The following KLF12 variants were observed in gnomAD, a reference collection of about 807,000 sequenced individuals.
The protein encoded by KLF12 is KLF transcription factor 12, also known as Krueppel-like factor 12.
A neutral mutation model predicts 37.8 loss-of-function variants in KLF12; 9 were observed. That is an observed-to-expected ratio of 0.24 (90% CI 0.14 to 0.42). KLF12 has a LOEUF of 0.42. Among genes scored for constraint, KLF12 ranks in the 10% least tolerant of loss-of-function variants. KLF12 has a pLI of 1.00. For missense variants in KLF12, 411 were observed against 516.0 expected (o/e 0.80, Z 1.97); for synonymous variants, 208 against 202.1 (o/e 1.03, Z -0.25).
intron 1 of KLF12, among the ~76,000 whole-genome samples, chr13:74,090,260 T>C (rs1163077826): frequency 6.6e-6 from 1 of 151,918 alleles, no homozygotes; most frequent in East Asian, 1.9e-4. Context: ...CTCTGGAAAC[T>C]ACAAAAAAAT....
chr13:73,768,330 CTGA>C (rs1446353631), intron 5 of KLF12, among the ~76,000 whole-genome samples: 3 of 152,140 alleles, frequency 2.0e-5, no homozygotes, highest in Admixed American at 2.0e-4. Context: ...ACTAGCAGTG[CTGA>C]TTAGACATGA....
chr13:74,016,481 C>T (rs766196335), intron 1 of KLF12, among the ~76,000 whole-genome samples: 4 of 152,194 alleles, frequency 2.6e-5, no homozygotes, highest in Non-Finnish European at 4.4e-5. Context: ...CCCACCTCAG[C>T]CTCCTAAGTA....
chr13:73,940,503 G>A (rs547705042), intron 3 of KLF12, among the ~76,000 whole-genome samples: 2 of 152,226 alleles, frequency 1.3e-5, no homozygotes, highest in African/African-American at 4.8e-5. Context: ...ACGAGATGAG[G>A]ACTCCTGTCA....
intron 1 of KLF12, among the ~76,000 whole-genome samples, chr13:74,126,401 A>G (rs966577669): frequency 6.6e-6 from 1 of 152,328 alleles, no homozygotes; most frequent in East Asian, 1.9e-4. Context: ...ATCTGCCATT[A>G]TATACAATCT....
the KLF12 span, among the ~76,000 whole-genome samples, chr13:74,242,830 T>C: frequency 6.6e-6 from 1 of 152,290 alleles, no homozygotes; most frequent in Non-Finnish European, 1.5e-5. Context: ...TACAGCAAGG[T>C]GAGGCTATCA....
At chr13:73,738,106 T>TATACACACACATATATGTATGTGTAC (rs1877622149) in intron 6 of KLF12, among the ~76,000 whole-genome samples, 33 of 106,630 alleles carry the variant, frequency 3.1e-4, no homozygotes, top group Middle Eastern at 4.4e-3. Flanking sequence ...TATATATATA[T>TATACACACACATATATGTATGTGTAC]ATATATATAT....
At chr13:73,955,916 C>T (rs1161871929) in intron 2 of KLF12, among the ~76,000 whole-genome samples, 3 of 152,198 alleles carry the variant, frequency 2.0e-5, no homozygotes, top group African/African-American at 4.8e-5. Context: ...ATCACCCTGA[C>T]GATGTTCTTT....
Position 73,693,354 on chromosome 13 carries a change from T to C in KLF12, c.*2136A>G, listed in dbSNP as rs1355780804. On this transcript the variant is annotated 3_prime_UTR_variant, in exon 8 of 8. Coordinates refer to ENST00000377669, the MANE Select transcript of KLF12 (RefSeq NM_007249.5). ...TAAAAAAAACCCACTGGTTGATGAG[T>C]AGTAGACTGTGCAGCTAAAGATGCT... The C allele has an allele frequency of 6.6e-6, 1 of 152,168 alleles. No individual in the cohort carries two copies. The highest frequency in any genetic ancestry group is 2.4e-5 in the African/African-American group (1 of 41,428). 9.4% of individuals were successfully genotyped at this position (152,168 alleles called of 1,614,324 possible). A position where few individuals can be genotyped will look rare whatever the true frequency, so the allele number is the denominator to read the frequency against.
At chr13:73,931,359 A>T (rs1055956344) in intron 3 of KLF12, among the ~76,000 whole-genome samples, 7 of 152,186 alleles carry the variant, frequency 4.6e-5, no homozygotes, top group African/African-American at 1.7e-4. Context: ...AATGTTTTAC[A>T]TAGCTCTCAG....
At chr13:74,147,622 A>G in the KLF12 span, among the ~76,000 whole-genome samples, 2 of 152,174 alleles carry the variant, frequency 1.3e-5, no homozygotes, top group Non-Finnish European at 2.9e-5. Flanking sequence ...GAACTCCTGC[A>G]ACATTCCCTA....
chr13:73,832,491 G>T (rs1566402347), intron 4 of KLF12, among the ~76,000 whole-genome samples: 1 of 152,154 alleles, frequency 6.6e-6, no homozygotes, highest in African/African-American at 2.4e-5. Flanking sequence ...GATGATTAGG[G>T]GGAGCCCTTG....
the KLF12 span, among the ~76,000 whole-genome samples, chr13:74,201,777 A>C: frequency 6.6e-6 from 1 of 152,084 alleles, no homozygotes; most frequent in South Asian, 2.1e-4. Flanking sequence ...GCAGGGCATT[A>C]ATTTTAACCA....
At chr13:74,011,596 G>A (rs1892553566) in intron 1 of KLF12, among the ~76,000 whole-genome samples, 1 of 152,028 alleles carries the variant, frequency 6.6e-6, no homozygotes, top group Non-Finnish European at 1.5e-5. Flanking sequence ...TTTCCACAAA[G>A]ATCCAAAAAG....
intron 5 of KLF12, among the ~76,000 whole-genome samples, chr13:73,777,224 G>A (rs959215263): frequency 6.6e-6 from 1 of 152,154 alleles, no homozygotes; most frequent in African/African-American, 2.4e-5. Flanking sequence ...AAAGACGTAT[G>A]TGCAAAAAGG....
intron 4 of KLF12, among the ~76,000 whole-genome samples, chr13:73,814,374 C>T (rs147687469): frequency 2.0e-5 from 3 of 152,208 alleles, no homozygotes; most frequent in Non-Finnish European, 2.9e-5. Flanking sequence ...TACATTACAC[C>T]GAACCACATG....
chr13:74,184,800 T>C, the KLF12 span, among the ~76,000 whole-genome samples: 557 of 152,260 alleles, frequency 3.7e-3, 4 homozygotes, highest in African/African-American at 0.013. Flanking sequence ...GGCCAAAATA[T>C]ATAGAGAAAT....
At chr13:74,173,712 A>T in the KLF12 span, among the ~76,000 whole-genome samples, 1 of 152,228 alleles carries the variant, frequency 6.6e-6, no homozygotes, top group Non-Finnish European at 1.5e-5. Context: ...GGGGTTTGAG[A>T]CATTTAAAGA....
intron 2 of KLF12, among the ~76,000 whole-genome samples, chr13:73,990,966 C>T (rs2138243843): frequency 6.6e-6 from 1 of 152,204 alleles, no homozygotes; most frequent in African/African-American, 2.4e-5. Context: ...GATGATGGGG[C>T]TTTGCATGCT....
intron 1 of KLF12, among the ~76,000 whole-genome samples, chr13:74,031,194 T>C (rs1198172255): frequency 1.3e-5 from 2 of 152,172 alleles, no homozygotes; most frequent in Non-Finnish European, 2.9e-5. Flanking sequence ...CCATAATGTC[T>C]TCCTTGACTA....
Sources: gnomAD v4.1 joint callset for allele counts (sites outside exome capture counted in the v4.1 genomes callset) on GRCh38, gnomAD v4.1.1 for gene constraint, MANE v1.5 for transcripts, NCBI Gene and HGNC (gene_info 2026-07-23, HGNC 2026-07-21) for gene names.